HIF1A: variants seen among roughly 807,000 people sequenced by gnomAD.
HIF1A encodes the protein hypoxia-inducible factor 1-alpha.
Under a neutral mutation model 92.7 loss-of-function variants are expected in HIF1A, and 24 were observed. The observed-to-expected ratio is 0.26, with a 90% CI of 0.19 to 0.36. HIF1A has a LOEUF of 0.36. Among genes scored for constraint, HIF1A ranks in the 10% least tolerant of loss-of-function variants. HIF1A has a pLI of 1.00. For missense variants in HIF1A, 799 were observed against 998.5 expected (o/e 0.80, Z 2.69); for synonymous variants, 319 against 338.7 (o/e 0.94, Z 0.64).
chr14:61,736,833 C>G, intron 8 of HIF1A, 56 bp from the exon 9 acceptor site: 1 of 1,197,256 alleles, frequency 8.4e-7, no homozygotes, highest in Non-Finnish European at 1.2e-6. Context: ...AGTCTCCCTT[C>G]CCCTCACTGT....
At chr14:61,734,530 C>T (rs1363104633) in intron 8 of HIF1A, among the ~76,000 whole-genome samples, 1 of 151,926 alleles carries the variant, frequency 6.6e-6, no homozygotes, top group Admixed American at 6.6e-5. Context: ...TTAAAAAGAC[C>T]ATGAAAAAAA....
intron 1 of HIF1A, among the ~76,000 whole-genome samples, chr14:61,699,647 C>T (rs536867756): frequency 6.6e-6 from 1 of 152,140 alleles, no homozygotes; most frequent in South Asian, 2.1e-4. Flanking sequence ...AAGTCTGTTT[C>T]TTAACCAGGA....
At chr14:61,721,358 T>C (rs1395940823) in intron 2 of HIF1A, 151 bp from the exon 3 acceptor site, 6 of 546,818 alleles carry the variant, frequency 1.1e-5, no homozygotes, top group South Asian at 3.1e-5. Flanking sequence ...TTATAGTTTT[T>C]CTAGCTTCTG....
At chr14:61,719,940 C>T (rs1252669875) in intron 1 of HIF1A, among the ~76,000 whole-genome samples, 1 of 152,168 alleles carries the variant, frequency 6.6e-6, no homozygotes, top group Admixed American at 6.5e-5. Context: ...ACCGTTCTAC[C>T]TGCTAACAAC....
chr14:61,745,624 C>G (rs992211431), intron 13 of HIF1A, 67 bp from the exon 14 acceptor site: 1 of 1,318,726 alleles, frequency 7.6e-7, no homozygotes, highest in Admixed American at 1.9e-5. Context: ...ACACCAATTT[C>G]AAGGTTTTTG....
intron 1 of HIF1A, among the ~76,000 whole-genome samples, chr14:61,698,659 C>G (rs1043768133): frequency 6.6e-6 from 1 of 152,182 alleles, no homozygotes; most frequent in African/African-American, 2.4e-5. Context: ...AGTGAAAAGA[C>G]TAACATTGGA....
intron 1 of HIF1A, among the ~76,000 whole-genome samples, chr14:61,707,063 G>GT (rs774705993): frequency 3.1e-4 from 47 of 152,184 alleles, no homozygotes; most frequent in Non-Finnish European, 5.3e-4. Flanking sequence ...ATTTGGGTAG[G>GT]TTTTTTAAAG....
intron 12 of HIF1A, among the ~76,000 whole-genome samples, chr14:61,744,382 T>G (rs1186828360): frequency 6.6e-6 from 1 of 151,852 alleles, no homozygotes; most frequent in Admixed American, 6.6e-5. Context: ...ATATATAAAT[T>G]AGTCATAATC....
chr14:61,708,021 T>C (rs950625324), intron 1 of HIF1A, among the ~76,000 whole-genome samples: 1 of 151,918 alleles, frequency 6.6e-6, no homozygotes, highest in African/African-American at 2.4e-5. Flanking sequence ...AGATGGTATC[T>C]CATTGTGGTT....
At chr14:61,728,783 G>T (rs1293704856) in intron 6 of HIF1A, among the ~76,000 whole-genome samples, 1 of 151,960 alleles carries the variant, frequency 6.6e-6, no homozygotes, top group Non-Finnish European at 1.5e-5. Context: ...CAACAGATTT[G>T]TACCCTTATA....
chr14:61,695,803 C>G lies in HIF1A; in HGVS notation c.-2C>G. On this transcript the variant is annotated 5_prime_UTR_variant, in exon 1 of 15. Transcript: ENST00000337138. ...TGAAGACATCGCGGGGACCGATTCA[C>G]CATGGAGGGCGCCGGCGGCGCGAAC... 1 of 1,597,020 alleles carries G rather than the reference C, an allele frequency of 6.3e-7. No individual in the cohort carries two copies. Among genetic ancestry groups the G allele is most frequent in the Non-Finnish European group, 8.5e-7 (1 of 1,173,376 alleles).
At position 61,747,277 on chromosome 14, in the gene HIF1A, C is replaced by T. The variant is rs2044805992; in HGVS notation, c.*192C>T. On this transcript the variant is annotated 3_prime_UTR_variant, in exon 15 of 15. Coordinates refer to ENST00000337138, the MANE Select transcript of HIF1A (RefSeq NM_001530.4). ...TTTAGTATGTTCTTTAATGCTGGAT[C>T]ACAGACAGCTCATTTTCTCAGTTTT... 2.5e-6 allele frequency: 1 copy of T among 405,292 alleles called. No homozygotes were observed. The highest frequency in any genetic ancestry group is 3.7e-5 in the East Asian group (1 of 26,860). 25.1% of individuals were successfully genotyped at this position (405,292 alleles called of 1,614,324 possible).
intron 1 of HIF1A, chr14:61,698,837 A>G (rs1594853646): frequency 6.6e-6 from 1 of 152,196 alleles, no homozygotes; most frequent in Non-Finnish European, 1.5e-5. Context: ...TTCTCCCCAA[A>G]TAGAATACTG....
intron 8 of HIF1A, among the ~76,000 whole-genome samples, chr14:61,736,045 G>A (rs1045538569): frequency 9.4e-5 from 14 of 148,764 alleles, no homozygotes; most frequent in Non-Finnish European, 3.0e-5. Flanking sequence ...GAGTGCAGTG[G>A]CGTGATCTTG....
At chr14:61,717,836 A>G (rs2044380723) in intron 1 of HIF1A, among the ~76,000 whole-genome samples, 1 of 149,450 alleles carries the variant, frequency 6.7e-6, no homozygotes. Flanking sequence ...AGCCTGGCCA[A>G]CATGGTGAAA....
intron 1 of HIF1A, among the ~76,000 whole-genome samples, chr14:61,713,547 G>T (rs1430770105): frequency 6.6e-6 from 1 of 152,122 alleles, no homozygotes; most frequent in Admixed American, 6.5e-5. Flanking sequence ...GTAGACTAAG[G>T]AGTGGGAGGC....
At chr14:61,714,069 A>T (rs2044336992) in intron 1 of HIF1A, among the ~76,000 whole-genome samples, 1 of 152,230 alleles carries the variant, frequency 6.6e-6, no homozygotes, top group Non-Finnish European at 1.5e-5. Context: ...ATAGGAGATT[A>T]TTTAGATTTA....
rs1040995 is a variant in HIF1A at position 61,698,292 on chromosome 14, A to G, written c.35+2453A>G. Among the ~76,000 whole-genome samples the G allele has an allele frequency of 2.7e-4, 41 of 152,322 alleles. No homozygotes were observed. The Middle Eastern group carries it at 0.014, about 51-fold the overall frequency. ...GTCCTTTTGTTTGAGGAAGCAGCAT[A>G]TGGTGGTTAAGAGCATAGGATCTAG... On this transcript the variant is annotated intron_variant, in intron 1 of 14. Transcript: ENST00000337138.
intron 13 of HIF1A, 109 bp from the exon 14 acceptor site, chr14:61,745,581 AT>A: frequency 1.2e-6 from 1 of 826,100 alleles, no homozygotes; most frequent in South Asian, 1.5e-5. Flanking sequence ...TTAGGGTAGT[AT>A]TTAAGAAACT....
Sources: gnomAD v4.1 joint callset for allele counts (sites outside exome capture counted in the v4.1 genomes callset) on GRCh38, gnomAD v4.1.1 for gene constraint, MANE v1.5 for transcripts, NCBI Gene and HGNC (gene_info 2026-07-23, HGNC 2026-07-21) for gene names.